The following TLDC2 variants were observed in gnomAD, a reference collection of about 807,000 sequenced individuals.
The protein encoded by TLDC2 is TLD domain-containing protein 2.
A neutral mutation model predicts 27.9 loss-of-function variants in TLDC2; 23 were observed. The ratio of observed to expected loss-of-function variants is 0.82; its 90% CI spans 0.59 to 1.17. The LOEUF is 1.17. TLDC2 is among the 50% of genes most tolerant of loss of function. The probability of loss-of-function intolerance (pLI) is 0.00; values close to 1 mark genes in which losing one functional copy is unlikely to be tolerated. For synonymous variants in TLDC2, 124 were observed against 107.4 expected, an observed-to-expected ratio of 1.16 and a Z score of -0.96; for missense variants, 286 against 273.4, an observed-to-expected ratio of 1.05 and a Z score of -0.32.
intron 3 of TLDC2, among the ~76,000 whole-genome samples, chr20:36,880,391 C>T (rs6029885): frequency 2.4e-4 from 36 of 152,086 alleles, no homozygotes; most frequent in African/African-American, 6.3e-4. Context: ...CCATCACGCT[C>T]GGCCCAGAAT....
chr20:36,885,283 A>G (rs997881039), intron 4 of TLDC2, among the ~76,000 whole-genome samples: 1 of 152,178 alleles, frequency 6.6e-6, no homozygotes, highest in African/African-American at 2.4e-5. Context: ...GTGCCTGAAA[A>G]TAGTGCCTGG....
intron 5 of TLDC2, among the ~76,000 whole-genome samples, chr20:36,889,048 C>CAAAT (rs201072467): frequency 3.3e-5 from 5 of 151,888 alleles, no homozygotes; most frequent in Non-Finnish European, 5.9e-5. Flanking sequence ...AATAAATAAA[C>CAAAT]AAATAAATAA....
chr20:36,890,422 T>TTTCTTTC (rs1387480780), intron 6 of TLDC2: 2 of 109,964 alleles, frequency 1.8e-5, no homozygotes, highest in Admixed American at 2.0e-4. Context: ...TTCTTTCTTT[T>TTTCTTTC]CTTTCTCTCT....
intron 4 of TLDC2, among the ~76,000 whole-genome samples, chr20:36,887,055 G>T (rs1989935631): frequency 1.3e-5 from 2 of 152,102 alleles, no homozygotes; most frequent in Admixed American, 1.3e-4. Context: ...TGCGAGGCTT[G>T]TTGATGAGCT....
chr20:36,886,624 TA>T (rs1376334443), intron 4 of TLDC2, among the ~76,000 whole-genome samples: 12 of 152,048 alleles, frequency 7.9e-5, no homozygotes, highest in Admixed American at 4.6e-4. Context: ...TTTTTAGAGA[TA>T]GGGGAGGGTC....
intron 5 of TLDC2, among the ~76,000 whole-genome samples, 162 bp downstream of exon 5, chr20:36,887,690 C>T (rs922238028): frequency 2.6e-5 from 4 of 152,206 alleles, no homozygotes; most frequent in African/African-American, 7.2e-5. Context: ...ACCCCCTCAA[C>T]CTCACGCTAA....
Position 36,877,920 on chromosome 20 carries a change from C to T in TLDC2, c.55C>T (p.Leu19=), listed in dbSNP as rs770935724. Residue 19 remains leucine, a synonymous_variant, in exon 2 of 7, where the codon CTG becomes TTG. Transcript: ENST00000217320. The part of the protein sequence containing the change: ...TRLPSQVEDT[L]SGEEGNEEEE... ...GCAGCCCAGCCAGGTGGAGGACACC[C>T]TGTCTGGGGAGGAGGGTAACGAAGA... The T allele has an allele frequency of 4.3e-6, 7 of 1,613,466 alleles. No homozygotes were observed. The South Asian group carries it at 7.7e-5, about 18-fold the overall frequency.
At chr20:36,888,704 CAAAAAAAAA>C (rs35828858) in intron 5 of TLDC2, among the ~76,000 whole-genome samples, 19 of 62,766 alleles carry the variant, frequency 3.0e-4, no homozygotes, top group South Asian at 7.1e-4. Flanking sequence ...AGACTCCTAT[CAAAAAAAAA>C]AAAAAAAAAA....
Position 36,893,358 on chromosome 20 carries a change from G to T in TLDC2, c.*514G>T. On this transcript the variant is annotated 3_prime_UTR_variant, in exon 7 of 7. Transcript: ENST00000217320. Reference sequence around the variant, plus strand: ...ATGGCCTCCTTCACACACCTTCACGGAGCACAAACTCTGTCCTGTTTTCCC... The same window carrying T: ...ATGGCCTCCTTCACACACCTTCACGTAGCACAAACTCTGTCCTGTTTTCCC... 1 of 479,526 alleles carries T rather than the reference G, an allele frequency of 2.1e-6. No individual in the cohort carries two copies. The highest frequency in any genetic ancestry group is 3.8e-6 in the Non-Finnish European group (1 of 264,452). The allele number at this position is 479,526 out of a possible 1,614,324, so 29.7% of individuals were successfully genotyped here.
intron 4 of TLDC2, among the ~76,000 whole-genome samples, chr20:36,885,550 C>A (rs572109398): frequency 2.0e-4 from 30 of 152,290 alleles, no homozygotes; most frequent in African/African-American, 7.0e-4. Context: ...AGGTCATGTC[C>A]TTCGAGAAAG....
chr20:36,880,070 C>CATATATATATATATATGTATATAT (rs1335974895), intron 3 of TLDC2, among the ~76,000 whole-genome samples: 8 of 73,064 alleles, frequency 1.1e-4, no homozygotes, highest in African/African-American at 3.3e-4. Flanking sequence ...TATATATATA[C>CATATATATATATATATGTATATAT]ATATATATAT....
intron 4 of TLDC2, among the ~76,000 whole-genome samples, chr20:36,885,444 T>A (rs1279453285): frequency 1.3e-5 from 2 of 152,238 alleles, no homozygotes; most frequent in African/African-American, 4.8e-5. Flanking sequence ...GTATTCCTCA[T>A]GAATTCGGTA....
Position 36,894,065 on chromosome 20 carries a change from C to G in TLDC2, c.*1221C>G. 1 of 396,842 alleles carries G rather than the reference C, an allele frequency of 2.5e-6. No individual in the cohort carries two copies. Among genetic ancestry groups the G allele is most frequent in the Non-Finnish European group, 4.4e-6 (1 of 225,384 alleles). The allele number at this position is 396,842 out of a possible 1,614,324, so 24.6% of individuals were successfully genotyped here. The stretch of plus-strand genomic sequence containing the variant: ...CAGCTCCTGGACTCCCACCTGCTCC[C>G]TTGGTCTCTCCTATCCTAGAGGTGG... On this transcript the variant is annotated 3_prime_UTR_variant, in exon 7 of 7. Coordinates refer to ENST00000217320, the MANE Select transcript of TLDC2 (RefSeq NM_080628.3).
At chr20:36,891,345 T>C (rs958486366) in intron 6 of TLDC2, 1 of 152,366 alleles carries the variant, frequency 6.6e-6, no homozygotes, top group African/African-American at 2.4e-5. Flanking sequence ...GGAAATCTGC[T>C]GGCCTGTGGT....
intron 5 of TLDC2, 139 bp from the exon 6 acceptor site, chr20:36,889,112 A>G (rs989670162): frequency 8.9e-7 from 1 of 1,117,914 alleles, no homozygotes; most frequent in Admixed American, 2.4e-5. Context: ...ATAATTCAGT[A>G]TAAATTGCTT....
chr20:36,885,668 A>C (rs1355673454), intron 4 of TLDC2, among the ~76,000 whole-genome samples: 1 of 152,082 alleles, frequency 6.6e-6, no homozygotes. Flanking sequence ...CCGGCTAAAA[A>C]CCCTTTGGTT....
At chr20:36,880,387 C>T (rs941532667) in intron 3 of TLDC2, among the ~76,000 whole-genome samples, 16 of 151,974 alleles carry the variant, frequency 1.1e-4, no homozygotes, top group East Asian at 3.9e-4. Context: ...TGAGCCATCA[C>T]GCTCGGCCCA....
At chr20:36,877,249 T>C (rs1200012267) in intron 1 of TLDC2, among the ~76,000 whole-genome samples, 2 of 151,664 alleles carry the variant, frequency 1.3e-5, no homozygotes, top group Non-Finnish European at 2.9e-5. Flanking sequence ...GGCATGGTGG[T>C]GGGCACCTGT....
chr20:36,889,720 G>A (rs562176818), intron 6 of TLDC2: 4 of 202,712 alleles, frequency 2.0e-5, no homozygotes, highest in Non-Finnish European at 3.9e-5. Flanking sequence ...TTTTCACTAT[G>A]CTGTTCCTCG....
Sources: gnomAD v4.1 joint callset for allele counts (sites outside exome capture counted in the v4.1 genomes callset) on GRCh38, gnomAD v4.1.1 for gene constraint, MANE v1.5 for transcripts, NCBI Gene and HGNC (gene_info 2026-07-23, HGNC 2026-07-21) for gene names.